The following TWF2 variants were observed in gnomAD, a reference collection of about 807,000 sequenced individuals.
TWF2 encodes twinfilin-2.
Under a neutral mutation model 45.1 loss-of-function variants are expected in TWF2, and 15 were observed. The ratio of observed to expected loss-of-function variants is 0.33; its 90% CI spans 0.22 to 0.51. The LOEUF is 0.51. Ranked by LOEUF, TWF2 falls within the 20% of genes least tolerant of loss-of-function variation. The probability of loss-of-function intolerance (pLI) is 0.97; values close to 1 mark genes in which losing one functional copy is unlikely to be tolerated. For missense variants in TWF2, 423 were observed against 469.1 expected, an observed-to-expected ratio of 0.90 and a Z score of 0.91; for synonymous variants, 177 against 195.8, an observed-to-expected ratio of 0.90 and a Z score of 0.80.
At chr3:52,234,876 G>A (rs539994479) in intron 2 of TWF2, among the ~76,000 whole-genome samples, 153 bp downstream of exon 2, 1 of 152,280 alleles carries the variant, frequency 6.6e-6, no homozygotes, top group East Asian at 1.9e-4. Flanking sequence ...GCTGCCCTGT[G>A]AGGCTCTCCT....
chr3:52,229,393 C>G (rs1378834880), intron 8 of TWF2, among the ~76,000 whole-genome samples, 192 bp from the exon 9 acceptor site: 2 of 152,198 alleles, frequency 1.3e-5, no homozygotes, highest in Admixed American at 1.3e-4. Context: ...GCCCTGCATG[C>G]CTTGGACTCT....
Position 52,231,164 on chromosome 3 carries a change from G to C in TWF2, c.446C>G (p.Ser149Trp). The change falls in exon 5 of 9, where the codon TCG (serine) becomes TGG (tryptophan). Residue 149 changes from serine (S) to tryptophan (W), a missense_variant. Transcript: ENST00000305533. The part of the protein sequence containing the change: ...SSCAAPAPLT[S>W]AERELQQIRI... The stretch of plus-strand genomic sequence containing the variant: ...GATCTGCTGGAGCTCTCTCTCAGCC[G>C]AGGTCAGCGGGGCAGGTGCCGCACA... The C allele has an allele frequency of 1.2e-6, 2 of 1,614,080 alleles. No individual in the cohort carries two copies. The highest frequency in any genetic ancestry group is 1.7e-6 in the Non-Finnish European group (2 of 1,179,964).
intron 8 of TWF2, 32 bp downstream of exon 8, chr3:52,229,629 T>A: frequency 6.2e-7 from 1 of 1,611,142 alleles, no homozygotes; most frequent in Non-Finnish European, 8.5e-7. Flanking sequence ...TGATAGGGCC[T>A]GGGGAGGTGA....
At chr3:52,235,950 C>A (rs1443156798) in intron 1 of TWF2, among the ~76,000 whole-genome samples, 1 of 152,166 alleles carries the variant, frequency 6.6e-6, no homozygotes, top group Non-Finnish European at 1.5e-5. Context: ...TGACCTTAAC[C>A]CTCAGGCAGT....
chr3:52,233,467 CCT>C (rs1056730421), intron 2 of TWF2, among the ~76,000 whole-genome samples: 1 of 152,244 alleles, frequency 6.6e-6, no homozygotes, highest in Non-Finnish European at 1.5e-5. Context: ...GAATTCTCAG[CCT>C]CTCTAGAAAA....
chr3:52,230,460 C>T (rs1001493418), intron 6 of TWF2, among the ~76,000 whole-genome samples: 1 of 152,176 alleles, frequency 6.6e-6, no homozygotes, highest in Non-Finnish European at 1.5e-5. Flanking sequence ...AAGCGGCAGC[C>T]GGAACAGCCA....
At position 52,238,981 on chromosome 3, in the gene TWF2, T is replaced by A; in HGVS notation, c.25+11A>T. 2 of 1,592,082 alleles carry A rather than the reference T, an allele frequency of 1.3e-6. No homozygotes were observed. Among genetic ancestry groups the A allele is most frequent in the East Asian group, 2.2e-5 (1 of 44,588 alleles). On this transcript the variant is annotated intron_variant, in intron 1 of 8. Transcript: ENST00000305533. ...ACCGAGGCCCCCTGCCCGCCCGCCA[T>A]CCGCCCTCACCGTGGATGCCCGTTT...
In TWF2 at chr3:52,232,039, C is replaced by T. The variant is rs1191645102; in HGVS notation, c.187G>A (p.Ala63Thr). 3.7e-6 allele frequency: 6 copies of T among 1,613,964 alleles called. No homozygotes were observed. Among genetic ancestry groups the T allele is most frequent in the African/African-American group, 1.3e-5 (1 of 75,052 alleles). Reference sequence around the variant, plus strand: ...TAGAGCAGGTAGCAGGGCTGCTGGGCGTCCAGCAGTGGCAGCACGGCCCTG... The same window carrying T: ...TAGAGCAGGTAGCAGGGCTGCTGGGTGTCCAGCAGTGGCAGCACGGCCCTG... ...YDRAVLPLLD[A>T]QQPCYLLYRL... The change falls in exon 3 of 9, where the codon GCC becomes ACC. Residue 63 changes from alanine (A) to threonine (T), a missense_variant. Transcript: ENST00000305533.
At chr3:52,231,275 G>A in intron 4 of TWF2, 44 bp from the exon 5 acceptor site, 1 of 1,609,488 alleles carries the variant, frequency 6.2e-7, no homozygotes, top group South Asian at 1.1e-5. Context: ...TGGGCACCTG[G>A]GGATTGGCTA....
rs1699661097 is a variant in TWF2 at position 52,229,794 on chromosome 3, C to A, written c.761-12G>T. 6.2e-7 allele frequency: 1 copy of A among 1,607,278 alleles called. No homozygotes were observed. Among genetic ancestry groups the A allele is most frequent in the Non-Finnish European group, 8.5e-7 (1 of 1,175,888 alleles). ...GGAGTAGATGAACACTGTTGGGGGGCAGGAGGTGAGCCTGGGAGGCCTGAG... is the reference window on the plus strand; with the variant it reads ...GGAGTAGATGAACACTGTTGGGGGGAAGGAGGTGAGCCTGGGAGGCCTGAG... On this transcript the variant is annotated splice_polypyrimidine_tract_variant and intron_variant, in intron 7 of 8. Transcript: ENST00000305533.
intron 7 of TWF2, 56 bp from the exon 8 acceptor site, chr3:52,229,838 A>G: frequency 6.3e-7 from 1 of 1,597,652 alleles, no homozygotes. Context: ...TGACCTTCGC[A>G]CCCAGAGCAG....
intron 1 of TWF2, among the ~76,000 whole-genome samples, chr3:52,235,335 G>A (rs182961094): frequency 9.9e-5 from 15 of 152,274 alleles, no homozygotes; most frequent in Admixed American, 5.9e-4. Flanking sequence ...GTGATGGGGC[G>A]GGGTGGGCAG....
chr3:52,231,093 G>C, intron 5 of TWF2, 34 bp downstream of exon 5: 1 of 1,613,714 alleles, frequency 6.2e-7, no homozygotes, highest in Non-Finnish European at 8.5e-7. Flanking sequence ...ATGACCCTGA[G>C]GGCTCAAGGC....
chr3:52,230,614 T>C (rs974896987), intron 6 of TWF2, among the ~76,000 whole-genome samples: 7 of 151,854 alleles, frequency 4.6e-5, no homozygotes, highest in African/African-American at 1.7e-4. Context: ...TGCTCACAGG[T>C]GTACCTGTGT....
rs761551028 is a variant in TWF2 at position 52,229,654 on chromosome 3, C to T, written c.882+7G>A. ...TGGGGAGGTGAGGCCCTGGGGAGGG[C>T]GCCTACTTTCTTGGCGATCTCCAGA... On this transcript the variant is annotated splice_region_variant and intron_variant, in intron 8 of 8. Coordinates refer to ENST00000305533, the MANE Select transcript of TWF2 (RefSeq NM_007284.4). The T allele has an allele frequency of 5.0e-6, 8 of 1,612,854 alleles. No individual in the cohort carries two copies. The highest frequency in any genetic ancestry group is 4.5e-5 in the East Asian group (2 of 44,886).
chr3:52,232,479 G>A (rs774578458), intron 2 of TWF2, among the ~76,000 whole-genome samples: 2 of 151,944 alleles, frequency 1.3e-5, no homozygotes, highest in Admixed American at 6.6e-5. Context: ...CATCCCCACC[G>A]CACAGCTGCT....
chr3:52,230,517 CAG>C (rs1437901431), intron 6 of TWF2, among the ~76,000 whole-genome samples: 4 of 152,190 alleles, frequency 2.6e-5, no homozygotes, highest in African/African-American at 7.2e-5. Flanking sequence ...AAGGAGACAA[CAG>C]AGGGGATCTC....
In TWF2 at chr3:52,228,928, T is replaced by C. The variant is rs1407365187; in HGVS notation, c.*106A>G. The C allele has an allele frequency of 2.0e-6, 3 of 1,505,572 alleles. No individual in the cohort carries two copies. In the East Asian group the frequency reaches 6.9e-5, roughly 35 times the overall value. The allele number at this position is 1,505,572 out of a possible 1,614,324, so 93.3% of individuals were successfully genotyped here. A position where few individuals can be genotyped will look rare whatever the true frequency, so the allele number is the denominator to read the frequency against. On this transcript the variant is annotated 3_prime_UTR_variant, in exon 9 of 9. Transcript: ENST00000305533. ...AAGTGCGTTCAGCTGCCAGCCCTCC[T>C]GACCTCCCAGAAACACTTTCCTGGA...
chr3:52,229,413 G>A (rs1030025399), intron 8 of TWF2, among the ~76,000 whole-genome samples: 1 of 152,178 alleles, frequency 6.6e-6, no homozygotes, highest in Non-Finnish European at 1.5e-5. Flanking sequence ...TGCTCGCTGG[G>A]GTCACCTCCT....
Sources: gnomAD v4.1 joint callset for allele counts (sites outside exome capture counted in the v4.1 genomes callset) on GRCh38, gnomAD v4.1.1 for gene constraint, MANE v1.5 for transcripts, NCBI Gene and HGNC (gene_info 2026-07-23, HGNC 2026-07-21) for gene names.